PRKN: variants seen among roughly 807,000 people sequenced by gnomAD.
PRKN encodes the protein parkin RBR E3 ubiquitin protein ligase.
Under a neutral mutation model 59.5 loss-of-function variants are expected in PRKN, and 56 were observed. The ratio of observed to expected loss-of-function variants is 0.94; its 90% CI spans 0.76 to 1.18. The LOEUF (loss-of-function observed/expected upper bound fraction) is 1.18, where lower values mean the gene tolerates loss of function less well. Among genes scored for constraint, PRKN ranks in the 50% most tolerant of loss-of-function variants. The pLI is 0.00. For synonymous variants in PRKN, 250 were observed against 222.1 expected (o/e 1.13, Z -1.12); for missense variants, 657 against 596.4 (o/e 1.10, Z -1.06).
In PRKN at chr6:162,330,135, A is replaced by G. The variant is rs1057149298; in HGVS notation, c.172-67370T>C. 2.0e-5 allele frequency among the ~76,000 whole-genome samples: 3 copies of G among 152,308 alleles called. 1 individual carries two copies. The highest frequency in any genetic ancestry group is 7.2e-5 in the African/African-American group (3 of 41,576). ...TCTGTCCTCTGGTGTCCTAAAGAGCAAGTCAGGTCTTTTGAAAAAGATGTC... is the reference window on the plus strand; with the variant it reads ...TCTGTCCTCTGGTGTCCTAAAGAGCGAGTCAGGTCTTTTGAAAAAGATGTC... On this transcript the variant is annotated intron_variant, in intron 2 of 11. Transcript: ENST00000366898.
intron 10 of PRKN, among the ~76,000 whole-genome samples, chr6:161,380,577 T>C (rs1785929271): frequency 6.6e-6 from 1 of 151,940 alleles, no homozygotes; most frequent in Non-Finnish European, 1.5e-5. Context: ...AAATGCCTAG[T>C]ACTATGCGTG....
At position 161,417,494 on chromosome 6, in the gene PRKN, T is replaced by C. The variant is rs180852846; in HGVS notation, c.1084-30617A>G. On this transcript the variant is annotated intron_variant, in intron 9 of 11. Transcript: ENST00000366898. This position sits in a 1 kb window ranked among gnomAD's most constrained non-coding sequence, Gnocchi z 5.4. ...ATCTAATGCCTCCAAGACCACACGCTATTGATTTAATCTCTGAATTAAAGG... is the reference window on the plus strand; with the variant it reads ...ATCTAATGCCTCCAAGACCACACGCCATTGATTTAATCTCTGAATTAAAGG... Among the ~76,000 whole-genome samples, 1,061 of 151,116 alleles carry C rather than the reference T, an allele frequency of 7.0e-3. 4 individuals carry two copies. Among genetic ancestry groups the C allele is most frequent in the Middle Eastern group, 0.025 (7 of 282 alleles).
At chr6:162,372,354 ACT>A in intron 2 of PRKN, among the ~76,000 whole-genome samples, 1 of 152,042 alleles carries the variant, frequency 6.6e-6, no homozygotes, top group Non-Finnish European at 1.5e-5. Context: ...GTCCCTGGAG[ACT>A]CTGGGACACT....
intron 2 of PRKN, among the ~76,000 whole-genome samples, chr6:162,388,678 T>C (rs1786980149): frequency 6.6e-6 from 1 of 152,164 alleles, no homozygotes; most frequent in African/African-American, 2.4e-5. Context: ...AGCCTCTCTG[T>C]GCCACGTACT....
intron 7 of PRKN, among the ~76,000 whole-genome samples, chr6:161,598,172 T>C (rs1781982850): frequency 6.6e-6 from 1 of 152,208 alleles, no homozygotes; most frequent in Admixed American, 6.5e-5. Flanking sequence ...ATAAATTAGT[T>C]GTGTGGTCCT....
rs575429057 is a variant in PRKN, at chr6:162,278,494, C to T, written c.172-15729G>A. Among the ~76,000 whole-genome samples the T allele has an allele frequency of 5.3e-5, 8 of 152,078 alleles. No homozygotes were observed. The South Asian group carries it at 1.7e-3, about 32-fold the overall frequency. On this transcript the variant is annotated intron_variant, in intron 2 of 11. Coordinates refer to ENST00000366898, the MANE Select transcript of PRKN (RefSeq NM_004562.3). Reference sequence around the variant, plus strand: ...TATCAGCTGCAAAAAATGTACCGCTCTGGTGGGGGATGTTGATAATGGAGA... The same window carrying T: ...TATCAGCTGCAAAAAATGTACCGCTTTGGTGGGGGATGTTGATAATGGAGA...
At chr6:161,420,194 T>A (rs771186247) in intron 9 of PRKN, among the ~76,000 whole-genome samples, 12 of 146,870 alleles carry the variant, frequency 8.2e-5, no homozygotes, top group Middle Eastern at 3.2e-3. Context: ...GCCGAGATCA[T>A]GCGCCGCTGC....
chr6:162,471,385 A>T (rs1236419555), intron 1 of PRKN, among the ~76,000 whole-genome samples: 1 of 152,174 alleles, frequency 6.6e-6, no homozygotes. Flanking sequence ...GGCGTGAGCC[A>T]CTGTACCTCG....
chr6:161,891,783 A>AG (rs1795354363), intron 6 of PRKN, among the ~76,000 whole-genome samples: 1 of 152,202 alleles, frequency 6.6e-6, no homozygotes, highest in Admixed American at 6.5e-5. Context: ...CTATGGAGAA[A>AG]GCAGTTAGAT....
chr6:161,856,920 T>C (rs1466844081), intron 6 of PRKN, among the ~76,000 whole-genome samples: 1 of 152,126 alleles, frequency 6.6e-6, no homozygotes, highest in Non-Finnish European at 1.5e-5. Context: ...AACATAAGCA[T>C]TTGCTTAGAT....
chr6:162,329,237 C>T lies in PRKN; in HGVS notation c.172-66472G>A, dbSNP rs145450862. 2.8e-3 allele frequency among the ~76,000 whole-genome samples: 427 copies of T among 152,088 alleles called. 1 individual carries two copies. Among genetic ancestry groups the T allele is most frequent in the Non-Finnish European group, 5.0e-3 (342 of 67,992 alleles). The stretch of plus-strand genomic sequence containing the variant: ...TGCAGTGTGTGAGTGAAAATGAGGA[C>T]GGAAGAGCGGGTGCAGCACGGGGGA... On this transcript the variant is annotated intron_variant, in intron 2 of 11. Coordinates refer to ENST00000366898, the MANE Select transcript of PRKN (RefSeq NM_004562.3).
chr6:161,389,633 G>A (rs1786417162), intron 9 of PRKN, among the ~76,000 whole-genome samples: 1 of 152,108 alleles, frequency 6.6e-6, no homozygotes, highest in Non-Finnish European at 1.5e-5. Context: ...GTTAATACTT[G>A]GGTCTGCCTC....
At chr6:161,449,745 T>A (rs1789645453) in intron 9 of PRKN, among the ~76,000 whole-genome samples, 1 of 150,178 alleles carries the variant, frequency 6.7e-6, no homozygotes, top group Non-Finnish European at 1.5e-5. Context: ...AGTGAGGCAC[T>A]GACTAGACTT....
At chr6:162,357,942 T>C (rs2128132963) in intron 2 of PRKN, among the ~76,000 whole-genome samples, 2 of 152,088 alleles carry the variant, frequency 1.3e-5, no homozygotes, top group East Asian at 3.9e-4. Context: ...GAGTACAGGG[T>C]ATGTTTAGGG....
chr6:161,861,800 A>G (rs976394160), intron 6 of PRKN, among the ~76,000 whole-genome samples: 3 of 152,156 alleles, frequency 2.0e-5, no homozygotes, highest in African/African-American at 4.8e-5. Context: ...AAAATATTCT[A>G]AGAACTTCCA....
intron 9 of PRKN, among the ~76,000 whole-genome samples, chr6:161,464,059 GGCTGGAGT>G (rs1188359151): frequency 6.6e-6 from 1 of 152,096 alleles, no homozygotes; most frequent in African/African-American, 2.4e-5. Context: ...TTGTTGCCCA[GGCTGGAGT>G]GCAATGGTGC....
chr6:162,716,101 G>C (rs1004848387), intron 1 of PRKN, among the ~76,000 whole-genome samples: 1 of 152,062 alleles, frequency 6.6e-6, no homozygotes, highest in African/African-American at 2.4e-5. Context: ...TATAATTTAA[G>C]GTGTCAATAA....
At chr6:161,866,168 T>C (rs1437172323) in intron 6 of PRKN, among the ~76,000 whole-genome samples, 3 of 152,152 alleles carry the variant, frequency 2.0e-5, no homozygotes, top group Admixed American at 6.5e-5. Flanking sequence ...CACAATCTTA[T>C]TTGGGCATGG....
rs1779161615 is a variant in PRKN at position 161,530,461 on chromosome 6, G to C, written c.1083+18393C>G. Reference sequence around the variant, plus strand: ...CTGCTCTGGAGACCAGCAGGAATTGGAGCAGCCTCATTCCGTGTCGAAGAA... The same window carrying C: ...CTGCTCTGGAGACCAGCAGGAATTGCAGCAGCCTCATTCCGTGTCGAAGAA... On this transcript the variant is annotated intron_variant, in intron 9 of 11. Coordinates refer to ENST00000366898, the MANE Select transcript of PRKN (RefSeq NM_004562.3). The surrounding 1 kb of genome is among the most constrained non-coding windows in gnomAD (Gnocchi z 5.0). Among the ~76,000 whole-genome samples the C allele has an allele frequency of 6.6e-6, 1 of 151,998 alleles. No homozygotes were observed. The highest frequency in any genetic ancestry group is 2.1e-4 in the South Asian group (1 of 4,806).
Sources: allele counts gnomAD v4.1 joint callset (sites outside exome capture counted in the v4.1 genomes callset), GRCh38; gene constraint gnomAD v4.1.1; non-coding constraint Gnocchi (gnomAD v3.1); transcripts MANE v1.5; gene names NCBI Gene and HGNC (gene_info 2026-07-23, HGNC 2026-07-21).